Variants in AKT3 observed in about 807,000 individuals in gnomAD.
AKT3 encodes the protein AKT serine/threonine kinase 3.
AKT3 carries 15 observed loss-of-function variants against 65.3 expected under a neutral mutation model. The observed-to-expected ratio is 0.23, with a 90% CI of 0.15 to 0.35. AKT3 has a LOEUF of 0.35. AKT3 is among the 10% of genes least tolerant of loss of function. The pLI is 1.00. For synonymous variants in AKT3, 206 were observed against 183.8 expected (o/e 1.12, Z -0.98); for missense variants, 243 against 576.5 (o/e 0.42, Z 5.92).
At chr1:243,626,717 G>A (rs1038931945) in intron 6 of AKT3, among the ~76,000 whole-genome samples, 3 of 152,132 alleles carry the variant, frequency 2.0e-5, no homozygotes, top group African/African-American at 7.2e-5. Context: ...TCCTAGCAGA[G>A]GCAATAACTA....
downstream of AKT3, among the ~76,000 whole-genome samples, chr1:243,495,361 G>A (rs148680141): frequency 4.7e-3 from 717 of 152,306 alleles, 1 homozygote; most frequent in African/African-American, 0.015. Flanking sequence ...TGGTTTCTGC[G>A]GCCCTGTTCC....
In AKT3 at chr1:243,637,762, AAATAT is replaced by A; in HGVS notation, c.430-25_430-21del. On this transcript the variant is annotated intron_variant, in intron 5 of 13. Coordinates refer to ENST00000673466, the MANE Select transcript of AKT3 (RefSeq NM_005465.7). The stretch of plus-strand genomic sequence containing the variant: ...CATTGTCTGAAAAATACAAATTAAA[AAATAT>A]AATATGAAGTATTTGATGCAATTTA... 1 of 1,472,354 alleles carries A rather than the reference AAATAT, an allele frequency of 6.8e-7. No individual in the cohort carries two copies. The highest frequency in any genetic ancestry group is 9.3e-7 in the Non-Finnish European group (1 of 1,071,702). The allele number at this position is 1,472,354 out of a possible 1,614,324, so 91.2% of individuals were successfully genotyped here.
intron 11 of AKT3, among the ~76,000 whole-genome samples, chr1:243,547,664 A>G (rs749414310): frequency 4.6e-5 from 7 of 152,210 alleles, no homozygotes; most frequent in Non-Finnish European, 8.8e-5. Context: ...TTGTCAAGCC[A>G]TCGTAGGTCA....
chr1:243,524,005 T>C (rs1388633646), intron 12 of AKT3, among the ~76,000 whole-genome samples: 6 of 152,188 alleles, frequency 3.9e-5, no homozygotes, highest in South Asian at 2.1e-4. Context: ...CAAGCCTAGA[T>C]GGTGTAACCT....
At chr1:243,801,764 C>G (rs181224791) in intron 2 of AKT3, among the ~76,000 whole-genome samples, 33 of 152,262 alleles carry the variant, frequency 2.2e-4, no homozygotes, top group East Asian at 1.2e-3. Context: ...TTCAAAAAAG[C>G]TGAAGCACTA....
At chr1:243,813,613 G>T (rs1350708413) in intron 2 of AKT3, among the ~76,000 whole-genome samples, 1 of 151,990 alleles carries the variant, frequency 6.6e-6, no homozygotes, top group Admixed American at 6.6e-5. Flanking sequence ...CAAATATAGT[G>T]TAAGGACCCT....
chr1:243,839,514 T>C (rs1420840924), intron 2 of AKT3, among the ~76,000 whole-genome samples: 2 of 152,332 alleles, frequency 1.3e-5, no homozygotes, highest in South Asian at 2.1e-4. Flanking sequence ...AACAATACTA[T>C]GGTAATGTGT....
At position 243,501,869 on chromosome 1, in the gene AKT3, C is replaced by T. The variant is rs1669338012; in HGVS notation, c.*3380G>A. The T allele has an allele frequency of 4.3e-6, 1 of 232,586 alleles. No individual in the cohort carries two copies. Among genetic ancestry groups the T allele is most frequent in the Non-Finnish European group, 8.5e-6 (1 of 117,794 alleles). 14.4% of individuals were successfully genotyped at this position (232,586 alleles called of 1,614,324 possible). A position where few individuals can be genotyped will look rare whatever the true frequency, so the allele number is the denominator to read the frequency against. On this transcript the variant is annotated 3_prime_UTR_variant, in exon 14 of 14. Coordinates refer to ENST00000673466, the MANE Select transcript of AKT3 (RefSeq NM_005465.7). Reference sequence around the variant, plus strand: ...ACTAAGGATGTACAGTGTACAAAAACAGTTTCTCCTAGTTATTCCACATCC... The same window carrying T: ...ACTAAGGATGTACAGTGTACAAAAATAGTTTCTCCTAGTTATTCCACATCC...
At chr1:243,718,446 C>G (rs557599484) in intron 2 of AKT3, among the ~76,000 whole-genome samples, 126 of 151,930 alleles carry the variant, frequency 8.3e-4, no homozygotes, top group Admixed American at 3.2e-3. Flanking sequence ...TTTTACCTAT[C>G]TACTGTTTTG....
At chr1:243,723,142 C>A (rs369296116) in intron 2 of AKT3, among the ~76,000 whole-genome samples, 1 of 152,058 alleles carries the variant, frequency 6.6e-6, no homozygotes, top group Admixed American at 6.6e-5. Flanking sequence ...CACAATATAA[C>A]GAAAATAATG....
At chr1:243,614,818 T>A (rs1395072251) in intron 7 of AKT3, among the ~76,000 whole-genome samples, 3 of 152,132 alleles carry the variant, frequency 2.0e-5, no homozygotes, top group Non-Finnish European at 4.4e-5. Flanking sequence ...AGGTAATGTA[T>A]TAACTCTATG....
chr1:243,652,178 G>C (rs1022946438), intron 4 of AKT3, among the ~76,000 whole-genome samples: 2 of 151,792 alleles, frequency 1.3e-5, no homozygotes, highest in Middle Eastern at 6.8e-3. Context: ...ATCCCAAGTA[G>C]CTAGGAGTAC....
intron 4 of AKT3, among the ~76,000 whole-genome samples, chr1:243,657,728 C>T (rs1357906545): frequency 2.0e-5 from 3 of 152,262 alleles, no homozygotes; most frequent in African/African-American, 7.2e-5. Flanking sequence ...TTCATACCTC[C>T]TGACTTCAAA....
At position 243,499,920 on chromosome 1, in the gene AKT3, A is replaced by G; in HGVS notation, c.*5329T>C. On this transcript the variant is annotated 3_prime_UTR_variant, in exon 14 of 14. Transcript: ENST00000673466. ...TCAGCCTGCAGTGGGGCTGGTCCTC[A>G]TCAACGCGGGCGCTGTCCCCGCACG... The G allele has an allele frequency of 1.2e-6, 1 of 814,490 alleles. No individual in the cohort carries two copies. Among genetic ancestry groups the G allele is most frequent in the South Asian group, 1.4e-5 (1 of 70,606 alleles). The allele number at this position is 814,490 out of a possible 1,614,324, so 50.5% of individuals were successfully genotyped here. A position where few individuals can be genotyped will look rare whatever the true frequency, so the allele number is the denominator to read the frequency against.
chr1:243,792,064 G>A (rs1267785656), intron 2 of AKT3, among the ~76,000 whole-genome samples: 1 of 152,114 alleles, frequency 6.6e-6, no homozygotes, highest in Non-Finnish European at 1.5e-5. Context: ...TGATCTAGGG[G>A]TCAAGGACAG....
intron 12 of AKT3, among the ~76,000 whole-genome samples, chr1:243,518,029 C>T (rs1261459913): frequency 6.6e-6 from 1 of 152,204 alleles, no homozygotes; most frequent in African/African-American, 2.4e-5. Flanking sequence ...GAAATTAAAG[C>T]TGACACTGGT....
At chr1:243,822,046 G>A (rs1693885747) in intron 2 of AKT3, among the ~76,000 whole-genome samples, 2 of 152,158 alleles carry the variant, frequency 1.3e-5, no homozygotes, top group African/African-American at 2.4e-5. Flanking sequence ...ACACTTCTAA[G>A]CAAATGCAGG....
At chr1:243,791,696 A>G (rs953841055) in intron 2 of AKT3, among the ~76,000 whole-genome samples, 1 of 152,206 alleles carries the variant, frequency 6.6e-6, no homozygotes, top group African/African-American at 2.4e-5. Context: ...CCTAAATAAG[A>G]GGAGTCACTT....
rs541217321 is a variant in AKT3, at chr1:243,692,734, TA to T, written c.172+2856del. ...GCCCGGGGGACAGAGTGAGACTGTC[TA>T]AAAAAAAAAAAATTTATGTGTTTTT... On this transcript the variant is annotated intron_variant, in intron 3 of 13. Coordinates refer to ENST00000673466, the MANE Select transcript of AKT3 (RefSeq NM_005465.7). Among the ~76,000 whole-genome samples the T allele has an allele frequency of 5.3e-4, 78 of 146,108 alleles. 1 individual carries two copies. Among genetic ancestry groups the T allele is most frequent in the South Asian group, 1.3e-3 (6 of 4,602 alleles).
Sources: allele counts gnomAD v4.1 joint callset (sites outside exome capture counted in the v4.1 genomes callset), GRCh38; gene constraint gnomAD v4.1.1; transcripts MANE v1.5; gene names NCBI Gene and HGNC (gene_info 2026-07-23, HGNC 2026-07-21).